TBC1D19: variants seen among roughly 807,000 people sequenced by gnomAD.
TBC1D19 encodes TBC1 domain family member 19, also known as TBC1 domain family, member 19.
TBC1D19 carries 60 observed loss-of-function variants against 89.0 expected under a neutral mutation model. The ratio of observed to expected loss-of-function variants is 0.67; its 90% CI spans 0.55 to 0.84. The LOEUF (loss-of-function observed/expected upper bound fraction) is 0.84. TBC1D19 is among the 40% of genes least tolerant of loss of function. TBC1D19 has a pLI of 0.00. For synonymous variants in TBC1D19, 189 were observed against 199.7 expected (o/e 0.95, Z 0.45); for missense variants, 500 against 610.8 (o/e 0.82, Z 1.91).
the TBC1D19 span, among the ~76,000 whole-genome samples, chr4:26,772,852 A>G: frequency 1.3e-5 from 2 of 152,052 alleles, no homozygotes; most frequent in East Asian, 3.9e-4. Flanking sequence ...CATTTTCTTT[A>G]TCCAGTCTAT....
At chr4:26,748,556 A>G (rs1377800573) in intron 19 of TBC1D19, 30 bp downstream of exon 19, 1 of 1,480,068 alleles carries the variant, frequency 6.8e-7, no homozygotes, top group Admixed American at 1.8e-5. Context: ...TGTAGAACAC[A>G]TGCTGTTTCT....
At chr4:26,800,811 A>G in the TBC1D19 span, among the ~76,000 whole-genome samples, 1 of 152,112 alleles carries the variant, frequency 6.6e-6, no homozygotes, top group Non-Finnish European at 1.5e-5. Flanking sequence ...TCTTCTTTTG[A>G]GAAGTGTCTG....
intron 4 of TBC1D19, among the ~76,000 whole-genome samples, chr4:26,627,807 T>G (rs1465046099): frequency 6.6e-6 from 1 of 152,176 alleles, no homozygotes; most frequent in Non-Finnish European, 1.5e-5. Context: ...GATGAGTAGG[T>G]TGTGAAAATT....
intron 7 of TBC1D19, among the ~76,000 whole-genome samples, chr4:26,645,486 C>A (rs1442547320): frequency 6.6e-6 from 1 of 152,204 alleles, no homozygotes; most frequent in African/African-American, 2.4e-5. Flanking sequence ...CTTCCTTACA[C>A]CTTATACAAA....
intron 15 of TBC1D19, among the ~76,000 whole-genome samples, chr4:26,733,436 G>C (rs1211607797): frequency 7.0e-6 from 1 of 143,666 alleles, no homozygotes; most frequent in Non-Finnish European, 1.5e-5. Flanking sequence ...CTAAAGCTTA[G>C]AGAAGTTAAG....
At chr4:26,836,696 G>C in the TBC1D19 span, among the ~76,000 whole-genome samples, 2 of 152,234 alleles carry the variant, frequency 1.3e-5, no homozygotes, top group Non-Finnish European at 2.9e-5. Context: ...AGCAGGGGTT[G>C]CAGGGAGGAG....
chr4:26,836,753 G>T, the TBC1D19 span, among the ~76,000 whole-genome samples: 1 of 152,330 alleles, frequency 6.6e-6, no homozygotes, highest in Admixed American at 6.5e-5. Flanking sequence ...CAGCTTTCCA[G>T]CAGTTCCAGC....
At chr4:26,725,201 C>T (rs1717232403) in intron 15 of TBC1D19, among the ~76,000 whole-genome samples, 1 of 152,134 alleles carries the variant, frequency 6.6e-6, no homozygotes, top group Admixed American at 6.5e-5. Flanking sequence ...ATTAAAATGC[C>T]ATATGCTCTC....
At position 26,628,126 on chromosome 4, in the gene TBC1D19, T is replaced by C. The variant is rs996152835; in HGVS notation, c.294+7438T>C. Among the ~76,000 whole-genome samples, 121 of 152,186 alleles carry C rather than the reference T, an allele frequency of 8.0e-4. 1 individual carries two copies. The highest frequency in any genetic ancestry group is 2.7e-3 in the African/African-American group (114 of 41,532). ...ATATGGCTAGCCAGTTTTCCCAGCA[T>C]CATTTATTAAATAGGGAATCCTTTC... is the stretch of plus-strand genomic sequence containing the variant. On this transcript the variant is annotated intron_variant, in intron 4 of 20. Coordinates refer to ENST00000264866, the MANE Select transcript of TBC1D19 (RefSeq NM_018317.4).
At chr4:26,773,566 C>T in the TBC1D19 span, among the ~76,000 whole-genome samples, 1 of 152,084 alleles carries the variant, frequency 6.6e-6, no homozygotes, top group Non-Finnish European at 1.5e-5. Context: ...ATGGTATTGC[C>T]TAGATTTTCT....
At chr4:26,610,837 C>T (rs952007534) in intron 1 of TBC1D19, among the ~76,000 whole-genome samples, 4 of 151,996 alleles carry the variant, frequency 2.6e-5, no homozygotes, top group Non-Finnish European at 5.9e-5. Context: ...TTTTCTTTAT[C>T]CAGTCTACTG....
At chr4:26,644,013 C>T (rs1743734645) in intron 7 of TBC1D19, among the ~76,000 whole-genome samples, 1 of 152,154 alleles carries the variant, frequency 6.6e-6, no homozygotes, top group African/African-American at 2.4e-5. Context: ...GAGCTGGTAC[C>T]ATTCCTTCTG....
chr4:26,583,729 C>G (rs115709329), upstream of TBC1D19, among the ~76,000 whole-genome samples: 3 of 152,248 alleles, frequency 2.0e-5, no homozygotes, highest in East Asian at 5.8e-4. Flanking sequence ...AACACGTTTA[C>G]GCAGGTAGTG....
chr4:26,663,013 G>GA (rs1405310831), intron 8 of TBC1D19: 1 of 152,128 alleles, frequency 6.6e-6, no homozygotes, highest in East Asian at 1.9e-4. Flanking sequence ...CAACTGGACT[G>GA]AAACACAACA....
chr4:26,640,765 G>T (rs891251294), intron 7 of TBC1D19, among the ~76,000 whole-genome samples: 1 of 152,228 alleles, frequency 6.6e-6, no homozygotes, highest in African/African-American at 2.4e-5. Context: ...TCCCATGCCT[G>T]GCTCAGCAGG....
intron 7 of TBC1D19, among the ~76,000 whole-genome samples, chr4:26,646,310 AAAC>A (rs1417601464): frequency 6.6e-6 from 1 of 152,154 alleles, no homozygotes; most frequent in African/African-American, 2.4e-5. Flanking sequence ...AAAAGTCAGG[AAAC>A]AACAGGTGCT....
intron 19 of TBC1D19, among the ~76,000 whole-genome samples, chr4:26,750,047 C>G (rs1718864542): frequency 6.6e-6 from 1 of 152,178 alleles, no homozygotes; most frequent in Non-Finnish European, 1.5e-5. Flanking sequence ...TTATCCTCTG[C>G]TGGGACACTT....
At chr4:26,658,471 T>G (rs936727798) in intron 7 of TBC1D19, among the ~76,000 whole-genome samples, 1 of 152,074 alleles carries the variant, frequency 6.6e-6, no homozygotes, top group African/African-American at 2.4e-5. Context: ...CCAGTACCAG[T>G]CTGTTTTGGT....
chr4:26,600,938 A>G (rs1367815724), intron 1 of TBC1D19, among the ~76,000 whole-genome samples: 2 of 152,226 alleles, frequency 1.3e-5, no homozygotes, highest in Non-Finnish European at 2.9e-5. Context: ...TAAAGATAGT[A>G]GTAATTCAAC....
Sources: gnomAD v4.1 joint callset for allele counts (sites outside exome capture counted in the v4.1 genomes callset) on GRCh38, gnomAD v4.1.1 for gene constraint, MANE v1.5 for transcripts, NCBI Gene and HGNC (gene_info 2026-07-23, HGNC 2026-07-21) for gene names.